Variants in SHBG observed in about 807,000 individuals in gnomAD.
SHBG encodes the protein sex hormone binding globulin, also known as sex hormone-binding globulin.
Under a neutral mutation model 41.9 loss-of-function variants are expected in SHBG, and 37 were observed. The observed-to-expected ratio is 0.88, with a 90% CI of 0.68 to 1.16. SHBG has a LOEUF of 1.16. Among genes scored for constraint, SHBG ranks in the 50% most tolerant of loss-of-function variants. SHBG has a pLI of 0.00. For synonymous variants in SHBG, 217 were observed against 205.8 expected, an observed-to-expected ratio of 1.05 and a Z score of -0.47; for missense variants, 466 against 499.9, an observed-to-expected ratio of 0.93 and a Z score of 0.65.
chr17:7,627,539 G>C (rs139435483), upstream of SHBG: 4 of 1,601,912 alleles, frequency 2.5e-6, no homozygotes, highest in Admixed American at 3.4e-5. This position sits in a 1 kb window ranked among gnomAD's most constrained non-coding sequence, Gnocchi z 4.8. Context: ...GCGCCACTCT[G>C]ACCCCCGGGT....
intron 1 of SHBG, among the ~76,000 whole-genome samples, chr17:7,621,379 C>T (rs60766254): frequency 2.1e-5 from 3 of 140,626 alleles, no homozygotes; most frequent in African/African-American, 8.0e-5. Flanking sequence ...GGCAGATCAT[C>T]TGAGGTCAGG....
rs750387214 is a variant in SHBG at position 7,632,812 on chromosome 17, C to A, written c.913C>A (p.Pro305Thr). 4 of 1,614,150 alleles carry A rather than the reference C, an allele frequency of 2.5e-6. No homozygotes were observed. Among genetic ancestry groups the A allele is most frequent in the Non-Finnish European group, 3.4e-6 (4 of 1,180,030 alleles). Reference protein sequence around the residue: ...GLDLPLVLGLPLQLKLSMSRV... With the variant: ...GLDLPLVLGLTLQLKLSMSRV... The stretch of plus-strand genomic sequence containing the variant: ...GGATCTGCCCCTGGTCTTGGGACTC[C>A]CTCTTCAGCTGAAGCTGAGTATGTC... Residue 305 changes from proline to threonine, a missense_variant, in exon 7 of 8, where the codon CCT becomes ACT. Physicochemically the swap from Pro to Thr is conservative, Grantham distance 38. Transcript: ENST00000380450.
At chr17:7,617,271 A>G (rs1227793168) in intron 1 of SHBG, among the ~76,000 whole-genome samples, 3 of 152,034 alleles carry the variant, frequency 2.0e-5, no homozygotes, top group African/African-American at 7.2e-5. Context: ...CAGAAGAAAG[A>G]CACTGGAAAA....
At position 7,631,517 on chromosome 17, in the gene SHBG, C is replaced by T. The variant is rs1567767573; in HGVS notation, c.556-72C>T. ...TGCTCAGAGGGGAGTCAACTGAGGG[C>T]AGGGAGGTCGGGACTGCGGCTCCGA... On this transcript the variant is annotated intron_variant, in intron 4 of 7. Transcript: ENST00000380450. The T allele has an allele frequency of 4.4e-6, 7 of 1,580,156 alleles. No homozygotes were observed. The East Asian group carries it at 8.9e-5, about 20-fold the overall frequency.
In SHBG at chr17:7,630,697, A is replaced by C; in HGVS notation, c.221A>C (p.Glu74Ala). Reference sequence around the variant, plus strand: ...CCTTCCAGAACCTCCTCCTCCTTTGAGGTTCGAACCTGGGACCCAGAGGGA... The same window carrying C: ...CCTTCCAGAACCTCCTCCTCCTTTGCGGTTCGAACCTGGGACCCAGAGGGA... The part of the protein sequence containing the change: ...TKITKTSSSF[E>A]VRTWDPEGVI... Residue 74 changes from glutamate (E) to alanine (A), a missense_variant, in exon 3 of 8, where the codon GAG becomes GCG. Glu to Ala is a moderately radical substitution (Grantham distance 107). Coordinates refer to ENST00000380450, the MANE Select transcript of SHBG (RefSeq NM_001040.5). This position sits in a 1 kb window ranked among gnomAD's most constrained non-coding sequence, Gnocchi z 4.6. The C allele has an allele frequency of 1.9e-6, 3 of 1,613,904 alleles. No individual in the cohort carries two copies. The highest frequency in any genetic ancestry group is 2.5e-6 in the Non-Finnish European group (3 of 1,179,914).
chr17:7,624,840 C>T (rs1428503166), upstream of SHBG, among the ~76,000 whole-genome samples: 4 of 147,476 alleles, frequency 2.7e-5, no homozygotes, highest in African/African-American at 1.0e-4. Context: ...TTTGTAGAGA[C>T]GAGACTTTGC....
At chr17:7,618,361 T>G (rs949335118) in intron 1 of SHBG, among the ~76,000 whole-genome samples, 2 of 151,746 alleles carry the variant, frequency 1.3e-5, no homozygotes, top group African/African-American at 4.8e-5. Flanking sequence ...AACCTCTGCC[T>G]CCCAGGTTCC....
At position 7,618,494 on chromosome 17, in the gene SHBG, A is replaced by T. The variant is rs142605804; in HGVS notation, c.-62+4383A>T. On this transcript the variant is annotated intron_variant, in intron 1 of 5. Coordinates refer to the SHBG transcript ENST00000570547. Reference sequence around the variant, plus strand: ...TGTTTTTTTTGTATTTTTAGTAAAGACGGGGTTTCACCACGTTGGCCAGGC... The same window carrying T: ...TGTTTTTTTTGTATTTTTAGTAAAGTCGGGGTTTCACCACGTTGGCCAGGC... 8.1e-3 allele frequency among the ~76,000 whole-genome samples: 1,229 copies of T among 151,648 alleles called. 29 individuals carry two copies. Among genetic ancestry groups the T allele is most frequent in the African/African-American group, 0.027 (1,111 of 41,326 alleles).
upstream of SHBG, among the ~76,000 whole-genome samples, chr17:7,624,783 C>A (rs1289083250): frequency 6.6e-6 from 1 of 151,690 alleles, no homozygotes; most frequent in Non-Finnish European, 1.5e-5. Flanking sequence ...TCCCCAGTAG[C>A]TGGGCCTAGA....
intron 1 of SHBG, chr17:7,614,371 C>A: frequency 9.5e-7 from 1 of 1,055,648 alleles, no homozygotes; most frequent in Non-Finnish European, 1.4e-6. Flanking sequence ...GCTCCAGAAG[C>A]TCGATCCCGC....
intron 1 of SHBG, chr17:7,614,143 A>C (rs1404371150): frequency 1.7e-6 from 1 of 602,648 alleles, no homozygotes; most frequent in African/African-American, 1.8e-5. Context: ...GGACACAGTC[A>C]ATTAGAAGCT....
chr17:7,627,975 G>T, upstream of SHBG: 1 of 525,514 alleles, frequency 1.9e-6, no homozygotes, highest in Non-Finnish European at 3.7e-6. This position sits in a 1 kb window ranked among gnomAD's most constrained non-coding sequence, Gnocchi z 4.8. Context: ...TCTTGTGACT[G>T]GGCTCCTGGG....
chr17:7,631,830 C>T (rs769442515), intron 5 of SHBG, 49 bp from the exon 6 acceptor site: 2 of 1,613,722 alleles, frequency 1.2e-6, no homozygotes, highest in Admixed American at 3.3e-5. Flanking sequence ...CCCCTTTCCT[C>T]CTTGAGACCC....
chr17:7,617,431 C>T (rs2072013696), intron 1 of SHBG, among the ~76,000 whole-genome samples: 1 of 151,690 alleles, frequency 6.6e-6, no homozygotes, highest in Non-Finnish European at 1.5e-5. Context: ...GGTGAAATTC[C>T]ATCTCTACTA....
rs567677603 is a variant in SHBG at position 7,631,340 on chromosome 17, C to A, written c.534C>A (p.Pro178=). Residue 178 remains proline, a synonymous_variant, in exon 4 of 8, where the codon CCC becomes CCA. Coordinates refer to ENST00000380450, the MANE Select transcript of SHBG (RefSeq NM_001040.5). ...MRIALGGLLF[P]ASNLRLPLVP... Reference sequence around the variant, plus strand: ...TTGCGCTTGGGGGGCTGCTCTTCCCCGCTTCCAACCTTCGGTTGCCGGTAA... The same window carrying A: ...TTGCGCTTGGGGGGCTGCTCTTCCCAGCTTCCAACCTTCGGTTGCCGGTAA... The A allele has an allele frequency of 1.9e-6, 3 of 1,613,396 alleles. No homozygotes were observed. Among genetic ancestry groups the A allele is most frequent in the Non-Finnish European group, 1.7e-6 (2 of 1,179,806 alleles).
chr17:7,631,843 G>T, intron 5 of SHBG, 36 bp from the exon 6 acceptor site: 1 of 1,613,804 alleles, frequency 6.2e-7, no homozygotes, highest in Non-Finnish European at 8.5e-7. Flanking sequence ...TGAGACCCCA[G>T]CTTTGAGGCC....
upstream of SHBG, chr17:7,627,222 C>A (rs370121688): frequency 5.0e-6 from 8 of 1,614,162 alleles, no homozygotes; most frequent in Non-Finnish European, 6.8e-6. This position sits in a 1 kb window ranked among gnomAD's most constrained non-coding sequence, Gnocchi z 4.8. Flanking sequence ...CATCTGCTCT[C>A]AGGGCTGCCG....
At position 7,630,782 on chromosome 17, in the gene SHBG, C is replaced by G; in HGVS notation, c.306C>G (p.Asp102Glu). ...ACTGGTTTATGCTGGGACTTCGAGA[C>G]GGCAGGCCTGAGATCCAACTGCACA... ...KDDWFMLGLR[D>E]GRPEIQLHNH... is the part of the protein sequence containing the mutation. Residue 102 changes from aspartate to glutamate, a missense_variant, in exon 3 of 8, where the codon GAC (aspartate) becomes GAG (glutamate). By Grantham distance (45) the Asp-to-Glu change is conservative. Transcript: ENST00000380450. This position sits in a 1 kb window ranked among gnomAD's most constrained non-coding sequence, Gnocchi z 4.6. The G allele has an allele frequency of 6.2e-7, 1 of 1,613,956 alleles. No homozygotes were observed. Among genetic ancestry groups the G allele is most frequent in the Non-Finnish European group, 8.5e-7 (1 of 1,179,964 alleles).
intron 1 of SHBG, chr17:7,614,483 T>C: frequency 6.5e-7 from 1 of 1,541,052 alleles, no homozygotes; most frequent in Non-Finnish European, 8.7e-7. Flanking sequence ...GCCGCGCACC[T>C]CGACGGGCAG....
Sources: allele counts gnomAD v4.1 joint callset (sites outside exome capture counted in the v4.1 genomes callset), GRCh38; gene constraint gnomAD v4.1.1; non-coding constraint Gnocchi (gnomAD v3.1); transcripts MANE v1.5; gene names NCBI Gene and HGNC (gene_info 2026-07-23, HGNC 2026-07-21).